ITPR1: variants seen among roughly 807,000 people sequenced by gnomAD.
The protein encoded by ITPR1 is inositol 1,4,5-trisphosphate-gated calcium channel ITPR1.
A neutral mutation model predicts 318.4 loss-of-function variants in ITPR1; 96 were observed. The observed-to-expected ratio is 0.30, with a 90% CI of 0.26 to 0.36. The LOEUF (loss-of-function observed/expected upper bound fraction) is 0.36, where lower values mean the gene tolerates loss of function less well. Among genes scored for constraint, ITPR1 ranks in the 10% least tolerant of loss-of-function variants. The probability of loss-of-function intolerance (pLI) is 1.00; values close to 1 mark genes in which losing one functional copy is unlikely to be tolerated. For missense variants in ITPR1, 2,440 were observed against 3,460.2 expected, an observed-to-expected ratio of 0.71 and a Z score of 7.40; for synonymous variants, 1,312 against 1,289.9, an observed-to-expected ratio of 1.02 and a Z score of -0.37.
rs549556845 is a variant in ITPR1, at chr3:4,662,757, ACT to A, written c.1413-301_1413-300del. Among the ~76,000 whole-genome samples, 32 of 151,582 alleles carry A rather than the reference ACT, an allele frequency of 2.1e-4. No individual in the cohort carries two copies. The South Asian group carries it at 6.0e-3, about 29-fold the overall frequency. ...ATAATAATCAAGTGATGAAGACCTC[ACT>A]CTCTCTTTCTGTCTCTAAGTTGGTC... On this transcript the variant is annotated intron_variant, in intron 15 of 61. Transcript: ENST00000649015.
At chr3:4,758,838 G>C (rs190197449) in intron 44 of ITPR1, among the ~76,000 whole-genome samples, 159 of 152,288 alleles carry the variant, frequency 1.0e-3, no homozygotes, top group African/African-American at 3.7e-3. Context: ...TGTGCCCTGG[G>C]TTCGTTAGCT....
intron 4 of ITPR1, among the ~76,000 whole-genome samples, chr3:4,530,725 G>T (rs185945498): frequency 6.6e-6 from 1 of 152,144 alleles, no homozygotes; most frequent in Non-Finnish European, 1.5e-5. Flanking sequence ...AGGCCGCAGT[G>T]AGCCATGTTT....
intron 4 of ITPR1, among the ~76,000 whole-genome samples, chr3:4,568,689 G>A (rs1395557110): frequency 6.6e-6 from 1 of 152,176 alleles, no homozygotes; most frequent in Non-Finnish European, 1.5e-5. Context: ...TTTGAGTAAG[G>A]AATGAGCCAT....
intron 2 of ITPR1, among the ~76,000 whole-genome samples, chr3:4,513,800 C>T (rs967765340): frequency 6.6e-6 from 1 of 152,080 alleles, no homozygotes; most frequent in African/African-American, 2.4e-5. Context: ...ATCAGATAGA[C>T]CTAGGTTGGG....
rs771652138 is a variant in ITPR1 at position 4,811,487 on chromosome 3, T to A, written c.7468+27T>A. 21 of 1,561,200 alleles carry A rather than the reference T, an allele frequency of 1.3e-5. 1 individual carries two copies. The highest frequency in any genetic ancestry group is 4.5e-5 in the East Asian group (2 of 44,626). ...TGGGTTTGGGATCTTCTGATCTTTT[T>A]AATGCTAAAAGATTATTTCCTGATT... On this transcript the variant is annotated intron_variant, in intron 56 of 61. Coordinates refer to ENST00000649015, the MANE Select transcript of ITPR1 (RefSeq NM_001378452.1).
chr3:4,704,981 G>A (rs60871539), intron 36 of ITPR1, among the ~76,000 whole-genome samples: 5,807 of 152,160 alleles, frequency 0.038, 362 homozygotes, highest in African/African-American at 0.13. Flanking sequence ...ATATTAGACT[G>A]TTAGAAAGTT....
rs756830183 is a variant in ITPR1 at position 4,670,776 on chromosome 3, A to G, written c.2054A>G (p.Glu685Gly). Reference sequence around the variant, plus strand: ...TTTGAAGGTGTCTCTTCCACTGGAGAGAATGCTCTGGAGGCAGGAGAAGAC... The same window carrying G: ...TTTGAAGGTGTCTCTTCCACTGGAGGGAATGCTCTGGAGGCAGGAGAAGAC... ...FEFEGVSSTG[E>G]NALEAGEDEE... is the part of the protein sequence containing the mutation. The change falls in exon 20 of 62, where the codon GAG becomes GGG. Residue 685 changes from glutamate to glycine, a missense_variant. Around this residue, in one of 23 missense-constraint regions of ITPR1, gnomAD observed 478 missense variants for 696.3 expected, o/e 0.69. Transcript: ENST00000649015. 1.2e-6 allele frequency: 2 copies of G among 1,606,800 alleles called. No individual in the cohort carries two copies. The highest frequency in any genetic ancestry group is 1.7e-6 in the Non-Finnish European group (2 of 1,176,380).
chr3:4,812,720 A>G (rs919543647), intron 56 of ITPR1, among the ~76,000 whole-genome samples: 3 of 152,172 alleles, frequency 2.0e-5, no homozygotes, highest in Admixed American at 6.5e-5. Context: ...CAGCCTCCCA[A>G]GTTGACACTA....
intron 4 of ITPR1, among the ~76,000 whole-genome samples, chr3:4,574,201 C>CTT (rs765722233): frequency 1.3e-4 from 18 of 138,414 alleles, no homozygotes; most frequent in Non-Finnish European, 2.5e-4. Flanking sequence ...GCCTTATCTT[C>CTT]TTTTTTTTTT....
intron 60 of ITPR1, among the ~76,000 whole-genome samples, chr3:4,827,838 C>T (rs3805024): frequency 6.6e-6 from 1 of 152,058 alleles, no homozygotes; most frequent in Non-Finnish European, 1.5e-5. Context: ...TCCACATGGC[C>T]GATGATCTCT....
At chr3:4,497,231 C>T (rs1211348608) in intron 2 of ITPR1, among the ~76,000 whole-genome samples, 5 of 152,230 alleles carry the variant, frequency 3.3e-5, no homozygotes, top group Non-Finnish European at 5.9e-5. Context: ...AGATACACCA[C>T]TGAAACCGTC....
chr3:4,564,388 C>G (rs1357383080), intron 4 of ITPR1, among the ~76,000 whole-genome samples: 1 of 152,116 alleles, frequency 6.6e-6, no homozygotes, highest in Non-Finnish European at 1.5e-5. Context: ...ACAGGTGTGG[C>G]CTTCTCCAAA....
chr3:4,501,637 T>G (rs1023829993), intron 2 of ITPR1, among the ~76,000 whole-genome samples: 6 of 152,236 alleles, frequency 3.9e-5, no homozygotes, highest in African/African-American at 1.4e-4. Context: ...ACTTTTCCCC[T>G]GCAGCCTTAT....
At chr3:4,532,364 T>G (rs959374305) in intron 4 of ITPR1, among the ~76,000 whole-genome samples, 1 of 152,182 alleles carries the variant, frequency 6.6e-6, no homozygotes, top group South Asian at 2.1e-4. Flanking sequence ...CTTTTTTATT[T>G]ATTTTATTTT....
chr3:4,759,145 A>G (rs562287369), intron 44 of ITPR1, among the ~76,000 whole-genome samples: 1 of 152,306 alleles, frequency 6.6e-6, no homozygotes, highest in South Asian at 2.1e-4. Flanking sequence ...GTCACTGTCC[A>G]CTAGCCCCTA....
chr3:4,769,779 A>G (rs370430633), intron 46 of ITPR1, among the ~76,000 whole-genome samples: 32 of 152,220 alleles, frequency 2.1e-4, no homozygotes, highest in African/African-American at 7.2e-4. Flanking sequence ...ATGCTGAGAG[A>G]CAGAGGGCAC....
intron 4 of ITPR1, 110 bp downstream of exon 4, chr3:4,521,204 T>C: frequency 1.4e-6 from 1 of 697,072 alleles, no homozygotes. Context: ...ATTTATTATG[T>C]ATTTTTTTCA....
intron 44 of ITPR1, among the ~76,000 whole-genome samples, chr3:4,742,406 A>G (rs1305904725): frequency 6.6e-6 from 1 of 152,220 alleles, no homozygotes; most frequent in Admixed American, 6.5e-5. Flanking sequence ...GTGTGGGTAC[A>G]GCCTGGGCTC....
Position 4,710,315 on chromosome 3 carries a change from T to C in ITPR1, c.4843-10T>C, listed in dbSNP as rs1345019337. The C allele has an allele frequency of 6.5e-7, 1 of 1,535,016 alleles. No individual in the cohort carries two copies. The highest frequency in any genetic ancestry group is 1.2e-5 in the South Asian group (1 of 82,666). Reference sequence around the variant, plus strand: ...CTGAGCCGTTGACTGAGGCTGTGTTTCCGTTTTAGGACATCGTCTCCGCGC... The same window carrying C: ...CTGAGCCGTTGACTGAGGCTGTGTTCCCGTTTTAGGACATCGTCTCCGCGC... On this transcript the variant is annotated splice_polypyrimidine_tract_variant and intron_variant, in intron 37 of 61. Transcript: ENST00000649015. The surrounding 1 kb of genome is among the most constrained non-coding windows in gnomAD (Gnocchi z 4.2).
Sources: allele counts gnomAD v4.1 joint callset (sites outside exome capture counted in the v4.1 genomes callset), GRCh38; gene constraint gnomAD v4.1.1; regional missense constraint gnomAD v4.1.1; non-coding constraint Gnocchi (gnomAD v3.1); transcripts MANE v1.5; gene names NCBI Gene and HGNC (gene_info 2026-07-23, HGNC 2026-07-21).